Variants in PM20D1 observed in about 807,000 individuals in gnomAD.
The protein encoded by PM20D1 is N-fatty-acyl-amino acid synthase/hydrolase PM20D1.
In PM20D1, 53 loss-of-function variants were observed where a neutral mutation model predicts 53.8. The ratio of observed to expected loss-of-function variants is 0.98; its 90% CI spans 0.79 to 1.24. The LOEUF (loss-of-function observed/expected upper bound fraction) is 1.24, where lower values mean the gene tolerates loss of function less well. Ranked by LOEUF, PM20D1 falls within the 50% of genes most tolerant of loss-of-function variation. The probability of loss-of-function intolerance (pLI) is 0.00; values close to 1 mark genes in which losing one functional copy is unlikely to be tolerated. For missense variants in PM20D1, 564 were observed against 616.8 expected (o/e 0.91, Z 0.91); for synonymous variants, 239 against 241.3 (o/e 0.99, Z 0.09).
At chr1:205,840,753 G>A (rs1235156789) in intron 9 of PM20D1, among the ~76,000 whole-genome samples, 1 of 152,218 alleles carries the variant, frequency 6.6e-6, no homozygotes, top group African/African-American at 2.4e-5. Context: ...CCCCCATCAT[G>A]GCATAGCACG....
chr1:205,833,194 A>G (rs1392431907), intron 10 of PM20D1, among the ~76,000 whole-genome samples: 1 of 152,236 alleles, frequency 6.6e-6, no homozygotes, highest in East Asian at 1.9e-4. Context: ...GGAACATGGA[A>G]TCTCCTTCCA....
At chr1:205,834,224 C>T (rs1397470298) in intron 10 of PM20D1, among the ~76,000 whole-genome samples, 4 of 150,380 alleles carry the variant, frequency 2.7e-5, no homozygotes, top group Non-Finnish European at 4.4e-5. Flanking sequence ...GGCACCATCT[C>T]GGCTCACTGC....
chr1:205,848,058 G>C (rs1657034752), intron 1 of PM20D1, 87 bp from the exon 2 acceptor site: 1 of 1,286,566 alleles, frequency 7.8e-7, no homozygotes. Context: ...AAGTTCTTTT[G>C]CCTTCATTAT....
chr1:205,849,869 A>G, intron 1 of PM20D1, 35 bp downstream of exon 1: 1 of 1,577,832 alleles, frequency 6.3e-7, no homozygotes, highest in Non-Finnish European at 8.6e-7. Context: ...GGACCCACAT[A>G]TGAGCATAGG....
chr1:205,848,607 C>G (rs1558096106), intron 1 of PM20D1, among the ~76,000 whole-genome samples: 1 of 152,174 alleles, frequency 6.6e-6, no homozygotes, highest in South Asian at 2.1e-4. Context: ...CTGGGCTCAT[C>G]CCTTTGAGTC....
rs1403460588 is a variant in PM20D1 at position 205,849,951 on chromosome 1, G to A, written c.122C>T (p.Ser41Phe). 1 of 1,614,040 alleles carries A rather than the reference G, an allele frequency of 6.2e-7. No homozygotes were observed. Among genetic ancestry groups the A allele is most frequent in the Non-Finnish European group, 8.5e-7 (1 of 1,179,982 alleles). ...GEHQRASRIPSQFSKEERVAM... is the reference protein window; with the variant it reads ...GEHQRASRIPFQFSKEERVAM... ...GACGCGTTCCTCTTTGCTGAACTGA[G>A]AAGGGATTCGCGACGCCCTTTGATG... The change falls in exon 1 of 13, where the codon TCT becomes TTT. Residue 41 changes from serine (S) to phenylalanine (F), a missense_variant. Ser to Phe is a radical substitution (Grantham distance 155). Coordinates refer to ENST00000367136, the MANE Select transcript of PM20D1 (RefSeq NM_152491.5).
chr1:205,845,018 C>G, intron 3 of PM20D1, 121 bp from the exon 4 acceptor site: 5 of 828,830 alleles, frequency 6.0e-6, no homozygotes, highest in Non-Finnish European at 9.6e-6. Flanking sequence ...GATAGATTCT[C>G]TTGAAAGAGA....
At chr1:205,835,007 A>G (rs996096441) in intron 10 of PM20D1, among the ~76,000 whole-genome samples, 4 of 152,238 alleles carry the variant, frequency 2.6e-5, no homozygotes, top group African/African-American at 9.6e-5. Flanking sequence ...GTGTTGATTC[A>G]TTAAATAACT....
At chr1:205,843,826 CCT>C (rs772851837) in intron 5 of PM20D1, 40 bp from the exon 6 acceptor site, 17 of 1,602,688 alleles carry the variant, frequency 1.1e-5, no homozygotes, top group East Asian at 2.2e-5. Flanking sequence ...TGACTTCTTG[CCT>C]CTCTGAATTC....
rs1656526028 is a variant in PM20D1, at chr1:205,830,189, T to C, written c.1385+91A>G. On this transcript the variant is annotated intron_variant, in intron 12 of 12. Coordinates refer to ENST00000367136, the MANE Select transcript of PM20D1 (RefSeq NM_152491.5). ...TGCCAAATCCTGGCTTTCCCCCTGA[T>C]TCTGTGGACTGCCAGGAGCATGGGG... The C allele has an allele frequency of 3.0e-6, 3 of 1,004,060 alleles. No individual in the cohort carries two copies. In the Admixed American group the frequency reaches 5.9e-5, roughly 20 times the overall value. 62.2% of individuals were successfully genotyped at this position (1,004,060 alleles called of 1,614,324 possible).
chr1:205,830,396 A>T lies in PM20D1; in HGVS notation c.1286-17T>A. 2.6e-6 allele frequency: 4 copies of T among 1,556,366 alleles called. No homozygotes were observed. The highest frequency in any genetic ancestry group is 3.5e-6 in the Non-Finnish European group (4 of 1,127,458). On this transcript the variant is annotated splice_polypyrimidine_tract_variant and intron_variant, in intron 11 of 12. Transcript: ENST00000367136. ...TAGAAGTAACTAGAGAGGGAAGATC[A>T]ACAGGAAAGGGGCTTTACATGAGCA...
Position 205,834,680 on chromosome 1 carries a change from G to T in PM20D1, c.1117-1914C>A. On this transcript the variant is annotated intron_variant, in intron 10 of 12. Transcript: ENST00000367136. ...AATACAAGAATTAATGCACGGTCTT[G>T]ACATATTCTCAGCCCATTGGCAAGT... is the stretch of plus-strand genomic sequence containing the variant. Among the ~76,000 whole-genome samples, 2 of 152,240 alleles carry T rather than the reference G, an allele frequency of 1.3e-5. 1 individual carries two copies.
rs1307612110 is a variant in PM20D1 at position 205,845,491 on chromosome 1, A to G, written c.323T>C (p.Phe108Ser). 1 of 1,614,112 alleles carries G rather than the reference A, an allele frequency of 6.2e-7. No homozygotes were observed. Among genetic ancestry groups the G allele is most frequent in the African/African-American group, 1.3e-5 (1 of 74,942 alleles). The change falls in exon 3 of 13, where the codon TTC (phenylalanine) becomes TCC (serine). Residue 108 changes from phenylalanine (F) to serine (S), a missense_variant. Transcript: ENST00000367136. ...GCTGGGGTCCGAGCCTTGGATAGTGAACAGGTGGCTATACTCTTCCACGAC... is the reference window on the plus strand; with the variant it reads ...GCTGGGGTCCGAGCCTTGGATAGTGGACAGGTGGCTATACTCTTCCACGAC... ...HEVVEEYSHL[F>S]TIQGSDPSLQ... is the part of the protein sequence containing the mutation.
Position 205,843,983 on chromosome 1 carries a change from G to A in PM20D1, c.707+104C>T. 3.3e-6 allele frequency: 5 copies of A among 1,503,806 alleles called. No individual in the cohort carries two copies. In the South Asian group the frequency reaches 6.4e-5, roughly 19 times the overall value. 93.2% of individuals were successfully genotyped at this position (1,503,806 alleles called of 1,614,324 possible). A position where few individuals can be genotyped will look rare whatever the true frequency, so the allele number is the denominator to read the frequency against. On this transcript the variant is annotated intron_variant, in intron 5 of 12. Transcript: ENST00000367136. The stretch of plus-strand genomic sequence containing the variant: ...GATTGGGGCGATTAATGCGAGAGGT[G>A]TACACAAAGAGTTGTCTCAGCATGG...
rs370598742 is a variant in PM20D1 at position 205,832,676 on chromosome 1, C to G, written c.1207G>C (p.Asp403His). The G allele has an allele frequency of 5.0e-6, 8 of 1,614,024 alleles. No homozygotes were observed. The African/African-American group carries it at 9.3e-5, about 19-fold the overall frequency. ...AGCTGGTAGCCCAAGGCCTTGTCAT[C>G]AGAAGGGCTGACGGGGAGGGGGTCA... ...AFDPLPVSPSDDKALGYQLLR... is the reference protein window; with the variant it reads ...AFDPLPVSPSHDKALGYQLLR... Residue 403 changes from aspartate to histidine, a missense_variant, in exon 11 of 13, where the codon GAT (aspartate) becomes CAT (histidine). By Grantham distance (81) the Asp-to-His change is moderately conservative. Coordinates refer to ENST00000367136, the MANE Select transcript of PM20D1 (RefSeq NM_152491.5).
chr1:205,849,901 C>T lies in PM20D1; in HGVS notation c.169+3G>A, dbSNP rs1395801741. ...TAGGTGGGTGAAGGGGACCCGGGTT[C>T]ACCTTTCAGCGCCTCTTTCATCGCG... On this transcript the variant is annotated splice_donor_region_variant and intron_variant, in intron 1 of 12. Coordinates refer to ENST00000367136, the MANE Select transcript of PM20D1 (RefSeq NM_152491.5). The T allele has an allele frequency of 6.2e-7, 1 of 1,609,890 alleles. No individual in the cohort carries two copies. Among genetic ancestry groups the T allele is most frequent in the Non-Finnish European group, 8.5e-7 (1 of 1,177,076 alleles).
chr1:205,832,738 G>T lies in PM20D1; in HGVS notation c.1145C>A (p.Ala382Asp). ...CACATGGAACTGGACTCTGTTATCA[G>T]CCACAATGTTCTTCGTGAGTTCTAG... ...EVLELTKNIV[A>D]DNRVQFHVLS... Residue 382 changes from alanine to aspartate, a missense_variant, in exon 11 of 13, where the codon GCT becomes GAT. By Grantham distance (126) the Ala-to-Asp change is moderately radical. Transcript: ENST00000367136. 1.9e-6 allele frequency: 3 copies of T among 1,608,062 alleles called. No homozygotes were observed. The highest frequency in any genetic ancestry group is 2.5e-6 in the Non-Finnish European group (3 of 1,177,348).
chr1:205,828,709 C>G lies in PM20D1; in HGVS notation c.1420G>C (p.Ala474Pro). The change falls in exon 13 of 13, where the codon GCC becomes CCC. Residue 474 changes from alanine (A) to proline (P), a missense_variant. Coordinates refer to ENST00000367136, the MANE Select transcript of PM20D1 (RefSeq NM_152491.5). ...HGVNEKISVQ[A>P]YETQVKFIFE... Reference sequence around the variant, plus strand: ...ATGAATTTCACTTGGGTCTCATAGGCTTGGACTGAGATTTTCTCGTTGACT... The same window carrying G: ...ATGAATTTCACTTGGGTCTCATAGGGTTGGACTGAGATTTTCTCGTTGACT... 3 of 1,614,112 alleles carry G rather than the reference C, an allele frequency of 1.9e-6. No homozygotes were observed. Among genetic ancestry groups the G allele is most frequent in the Non-Finnish European group, 2.5e-6 (3 of 1,179,998 alleles).
At chr1:205,832,855 A>G in intron 10 of PM20D1, 89 bp from the exon 11 acceptor site, 1 of 1,409,740 alleles carries the variant, frequency 7.1e-7, no homozygotes, top group South Asian at 1.5e-5. Flanking sequence ...TCTTTCCAGC[A>G]AGGCAGAGCC....
Sources: allele counts gnomAD v4.1 joint callset (sites outside exome capture counted in the v4.1 genomes callset), GRCh38; gene constraint gnomAD v4.1.1; transcripts MANE v1.5; gene names NCBI Gene and HGNC (gene_info 2026-07-23, HGNC 2026-07-21).